PTPRD: variants seen among roughly 807,000 people sequenced by gnomAD.
The protein encoded by PTPRD is protein tyrosine phosphatase receptor type D.
Under a neutral mutation model 214.5 loss-of-function variants are expected in PTPRD, and 34 were observed. The observed-to-expected ratio is 0.16, with a 90% CI of 0.12 to 0.21. The LOEUF (loss-of-function observed/expected upper bound fraction) is 0.21, where lower values mean the gene tolerates loss of function less well. PTPRD is among the 10% of genes least tolerant of loss of function. The pLI is 1.00. For synonymous variants in PTPRD, 1,128 were observed against 845.7 expected (o/e 1.33, Z -5.79); for missense variants, 2,545 against 2,398.7 (o/e 1.06, Z -1.27).
intron 15 of PTPRD, 99 bp from the exon 16 acceptor site, chr9:8,527,452 TAA>T: frequency 9.9e-7 from 1 of 1,006,394 alleles, no homozygotes; most frequent in Middle Eastern, 3.2e-4. Flanking sequence ...CTTTATATAC[TAA>T]ATCATCTATG....
chr9:9,699,413 T>C (rs981618689), intron 7 of PTPRD, among the ~76,000 whole-genome samples: 1 of 152,184 alleles, frequency 6.6e-6, no homozygotes, highest in Non-Finnish European at 1.5e-5. Context: ...TTTGTTCTTT[T>C]TTGTCCCCCT....
intron 9 of PTPRD, among the ~76,000 whole-genome samples, chr9:9,201,550 C>A (rs775613056): frequency 1.3e-5 from 2 of 151,888 alleles, no homozygotes; most frequent in African/African-American, 2.4e-5. Flanking sequence ...ATATTATAGA[C>A]TTGGTGATTA....
At chr9:8,887,321 C>T (rs2098499716) in intron 11 of PTPRD, among the ~76,000 whole-genome samples, 2 of 152,100 alleles carry the variant, frequency 1.3e-5, no homozygotes, top group Admixed American at 6.6e-5. Flanking sequence ...TCATTTTATT[C>T]CTATTTCATT....
At chr9:10,243,113 C>G (rs191199273) in intron 3 of PTPRD, among the ~76,000 whole-genome samples, 1 of 152,018 alleles carries the variant, frequency 6.6e-6, no homozygotes, top group Non-Finnish European at 1.5e-5. Context: ...GACAATTTAA[C>G]TGATCCCTGT....
At chr9:8,839,504 TA>T (rs1179934704) in intron 11 of PTPRD, among the ~76,000 whole-genome samples, 3 of 152,094 alleles carry the variant, frequency 2.0e-5, no homozygotes, top group African/African-American at 7.2e-5. Flanking sequence ...TTTGTATTTT[TA>T]GTAGAGATGA....
At chr9:9,040,348 C>T (rs7854054) in intron 10 of PTPRD, among the ~76,000 whole-genome samples, 4,644 of 152,240 alleles carry the variant, frequency 0.031, 83 homozygotes, top group Non-Finnish European at 0.048. Context: ...GAAAGCAACA[C>T]CATATGCCTT....
intron 2 of PTPRD, among the ~76,000 whole-genome samples, chr9:10,355,193 A>T (rs1051062463): frequency 7.9e-5 from 12 of 152,148 alleles, no homozygotes; most frequent in Admixed American, 2.0e-4. Context: ...TAAGTTATTA[A>T]GAAACGTATG....
chr9:9,616,437 G>A (rs890882169), intron 7 of PTPRD, among the ~76,000 whole-genome samples: 1 of 151,794 alleles, frequency 6.6e-6, no homozygotes, highest in African/African-American at 2.4e-5. Flanking sequence ...ATGCATCTAG[G>A]ATACGACCCC....
chr9:9,867,109 C>G (rs2064166556), intron 5 of PTPRD, among the ~76,000 whole-genome samples: 1 of 152,150 alleles, frequency 6.6e-6, no homozygotes, highest in Admixed American at 6.6e-5. Flanking sequence ...ACCTATGCTA[C>G]TGTTCCAATT....
At position 8,436,442 on chromosome 9, in the gene PTPRD, T is replaced by A. The variant is rs1036568911; in HGVS notation, c.4086+150A>T. 2.8e-5 allele frequency: 16 copies of A among 580,928 alleles called. No individual in the cohort carries two copies. The East Asian group carries it at 4.4e-4, about 16-fold the overall frequency. The allele number at this position is 580,928 out of a possible 1,614,324, so 36.0% of individuals were successfully genotyped here. On this transcript the variant is annotated intron_variant, in intron 35 of 45. Transcript: ENST00000381196. ...TACTATATTGCTTGTGCAGACACTT[T>A]TAAGTTGACGGTTCATTATACATTT...
rs187084868 is a variant in PTPRD, at chr9:9,684,797, G to C, written c.-287+49736C>G. ...GCATTCCAGAAGTTTGCGGTCTTTA[G>C]AGCAGTGCAAATGAATGATTACAGT... is the stretch of plus-strand genomic sequence containing the variant. On this transcript the variant is annotated intron_variant, in intron 7 of 45. Coordinates refer to ENST00000381196, the MANE Select transcript of PTPRD (RefSeq NM_002839.4). 1.5e-4 allele frequency among the ~76,000 whole-genome samples: 22 copies of C among 151,500 alleles called. No individual in the cohort carries two copies. In the East Asian group the frequency reaches 3.3e-3, roughly 23 times the overall value.
At chr9:8,768,120 C>T (rs897756577) in intron 11 of PTPRD, among the ~76,000 whole-genome samples, 1 of 152,064 alleles carries the variant, frequency 6.6e-6, no homozygotes, top group African/African-American at 2.4e-5. Context: ...TAAGTGTGGG[C>T]GTGATAGCTC....
chr9:10,412,133 T>A (rs1045636306), intron 2 of PTPRD, among the ~76,000 whole-genome samples: 1 of 151,658 alleles, frequency 6.6e-6, no homozygotes, highest in Non-Finnish European at 1.5e-5. Flanking sequence ...TGAAGCCAAA[T>A]GAGAAGAATT....
intron 14 of PTPRD, among the ~76,000 whole-genome samples, chr9:8,547,775 C>A (rs986552780): frequency 3.3e-5 from 5 of 151,516 alleles, no homozygotes; most frequent in African/African-American, 1.2e-4. Context: ...CACAAAAATA[C>A]ATATATAATT....
chr9:9,155,362 C>A (rs1490320647), intron 10 of PTPRD, among the ~76,000 whole-genome samples: 2 of 151,970 alleles, frequency 1.3e-5, no homozygotes, highest in African/African-American at 4.8e-5. Flanking sequence ...GAACAGCAAT[C>A]CTAGAATACA....
intron 9 of PTPRD, among the ~76,000 whole-genome samples, chr9:9,259,103 G>C (rs1014648204): frequency 2.6e-5 from 4 of 151,676 alleles, no homozygotes; most frequent in Non-Finnish European, 4.4e-5. Context: ...TCCCAAGACT[G>C]AACTACTCAA....
intron 19 of PTPRD, among the ~76,000 whole-genome samples, chr9:8,522,981 C>T (rs193025044): frequency 2.2e-4 from 33 of 152,178 alleles, no homozygotes; most frequent in African/African-American, 6.3e-4. Flanking sequence ...CTGCAATGGC[C>T]TCATGGGTGA....
rs560795541 is a variant in PTPRD, at chr9:10,148,431, T to A, written c.-544-114641A>T. Among the ~76,000 whole-genome samples the A allele has an allele frequency of 5.3e-5, 8 of 152,228 alleles. No individual in the cohort carries two copies. The East Asian group carries it at 1.5e-3, about 29-fold the overall frequency. On this transcript the variant is annotated intron_variant, in intron 3 of 45. Transcript: ENST00000381196. ...ATTACAGTCTAGAAAATGAGTACAA[T>A]GAAAGAAATAGAACTTCATCTCTTC...
At chr9:9,825,808 TG>T (rs2052612130) in intron 5 of PTPRD, among the ~76,000 whole-genome samples, 1 of 151,834 alleles carries the variant, frequency 6.6e-6, no homozygotes, top group Admixed American at 6.6e-5. Context: ...CTTCAAAAAT[TG>T]GGTTTATATT....
Sources: gnomAD v4.1 joint callset for allele counts (sites outside exome capture counted in the v4.1 genomes callset) on GRCh38, gnomAD v4.1.1 for gene constraint, MANE v1.5 for transcripts, NCBI Gene and HGNC (gene_info 2026-07-23, HGNC 2026-07-21) for gene names.